The following SRGAP1 variants were observed in gnomAD, a reference collection of about 807,000 sequenced individuals.
SRGAP1 encodes SLIT-ROBO Rho GTPase activating protein 1.
SRGAP1 carries 43 observed loss-of-function variants against 121.9 expected under a neutral mutation model. The observed-to-expected ratio is 0.35, with a 90% CI of 0.28 to 0.46. The LOEUF (loss-of-function observed/expected upper bound fraction) is 0.46. Among genes scored for constraint, SRGAP1 ranks in the 20% least tolerant of loss-of-function variants. The pLI, the probability that SRGAP1 is intolerant of heterozygous loss-of-function variation, is 1.00. For synonymous variants in SRGAP1, 447 were observed against 485.4 expected (o/e 0.92, Z 1.04); for missense variants, 1,102 against 1,350.9 (o/e 0.82, Z 2.89).
intron 1 of SRGAP1, among the ~76,000 whole-genome samples, chr12:63,902,770 A>T (rs918426235): frequency 6.6e-6 from 1 of 152,198 alleles, no homozygotes; most frequent in Admixed American, 6.5e-5. Context: ...TATTTTGATT[A>T]AAGACTTACT....
chr12:64,080,409 A>T, intron 10 of SRGAP1, 39 bp downstream of exon 10: 6 of 1,416,120 alleles, frequency 4.2e-6, no homozygotes, highest in Non-Finnish European at 6.0e-6. Context: ...GACCTGGATG[A>T]TACATCGTAT....
chr12:63,871,100 T>G (rs1043732669), intron 1 of SRGAP1, among the ~76,000 whole-genome samples: 1 of 152,176 alleles, frequency 6.6e-6, no homozygotes. Flanking sequence ...GGACCACACT[T>G]TGGGAACTAC....
Position 64,143,982 on chromosome 12 carries a change from C to G in SRGAP1, c.*1310C>G, listed in dbSNP as rs1284969258. 1 of 152,218 alleles carries G rather than the reference C, an allele frequency of 6.6e-6. No homozygotes were observed. Among genetic ancestry groups the G allele is most frequent in the African/African-American group, 2.4e-5 (1 of 41,426 alleles). The allele number at this position is 152,218 out of a possible 1,614,324, so 9.4% of individuals were successfully genotyped here. On this transcript the variant is annotated 3_prime_UTR_variant, in exon 22 of 22. Transcript: ENST00000355086. ...CAACTTCTTTTTCTTTGTCCCTTTT[C>G]CCCTTTTTGGTTTTGGTTTTGTATG...
At chr12:64,096,752 G>A (rs186122926) in intron 14 of SRGAP1, among the ~76,000 whole-genome samples, 1 of 152,276 alleles carries the variant, frequency 6.6e-6, no homozygotes, top group East Asian at 1.9e-4. Flanking sequence ...GCCACTTTGG[G>A]AAATACCTAC....
chr12:64,096,303 A>G (rs767959570), intron 14 of SRGAP1, among the ~76,000 whole-genome samples: 9 of 152,184 alleles, frequency 5.9e-5, no homozygotes, highest in Non-Finnish European at 1.2e-4. Flanking sequence ...TTGCCCTAGG[A>G]ACAGAGAAAA....
At chr12:64,043,782 A>G (rs376473361) in intron 6 of SRGAP1, among the ~76,000 whole-genome samples, 2 of 152,222 alleles carry the variant, frequency 1.3e-5, no homozygotes, top group South Asian at 4.1e-4. Flanking sequence ...CCTAAAACCA[A>G]TGAAAAATAA....
chr12:64,057,710 G>A (rs1254731353), intron 6 of SRGAP1, among the ~76,000 whole-genome samples: 1 of 152,084 alleles, frequency 6.6e-6, no homozygotes, highest in Non-Finnish European at 1.5e-5. Flanking sequence ...GATCACAGAA[G>A]TCTCTCAAAC....
At chr12:64,137,898 G>C (rs1454885989) in intron 21 of SRGAP1, among the ~76,000 whole-genome samples, 1 of 150,504 alleles carries the variant, frequency 6.6e-6, no homozygotes, top group Non-Finnish European at 1.5e-5. Context: ...CACCAGGGCA[G>C]TGGTTCTCCA....
chr12:64,033,423 A>G (rs1174981476), intron 4 of SRGAP1, among the ~76,000 whole-genome samples: 1 of 152,122 alleles, frequency 6.6e-6, no homozygotes. Flanking sequence ...TGCTCATTCT[A>G]AAGAGTTTTG....
intron 4 of SRGAP1, among the ~76,000 whole-genome samples, chr12:64,023,306 G>T (rs2034590605): frequency 6.6e-6 from 1 of 151,372 alleles, no homozygotes; most frequent in African/African-American, 2.4e-5. Flanking sequence ...AAAGTGAAAG[G>T]CAAAAACAGA....
At chr12:64,058,384 T>C (rs2035383264) in intron 6 of SRGAP1, among the ~76,000 whole-genome samples, 1 of 152,184 alleles carries the variant, frequency 6.6e-6, no homozygotes, top group Non-Finnish European at 1.5e-5. Flanking sequence ...TTGAGGAGCG[T>C]CTGTACTTGG....
chr12:63,978,015 C>T (rs1171039813), intron 1 of SRGAP1, among the ~76,000 whole-genome samples: 1 of 152,098 alleles, frequency 6.6e-6, no homozygotes, highest in Non-Finnish European at 1.5e-5. Context: ...CTTTTCTATG[C>T]CATTAAGTGC....
chr12:64,142,791 T>C lies in SRGAP1; in HGVS notation c.*119T>C, dbSNP rs1026813547. 6 of 1,378,700 alleles carry C rather than the reference T, an allele frequency of 4.4e-6. 1 individual carries two copies. In the East Asian group the frequency reaches 1.4e-4, roughly 33 times the overall value. 85.4% of individuals were successfully genotyped at this position (1,378,700 alleles called of 1,614,324 possible). A position where few individuals can be genotyped will look rare whatever the true frequency, so the allele number is the denominator to read the frequency against. On this transcript the variant is annotated 3_prime_UTR_variant, in exon 22 of 22. Transcript: ENST00000355086. Reference sequence around the variant, plus strand: ...TGCTTATAACTGGAGATCTTTTGGCTTTTCTATGTTGTCGAATGTAATGTC... The same window carrying C: ...TGCTTATAACTGGAGATCTTTTGGCCTTTCTATGTTGTCGAATGTAATGTC...
chr12:64,103,501 T>G (rs908423699), intron 15 of SRGAP1, among the ~76,000 whole-genome samples: 3 of 152,232 alleles, frequency 2.0e-5, no homozygotes, highest in Non-Finnish European at 4.4e-5. Flanking sequence ...TTTATTTGCC[T>G]TTTCTGATTA....
At chr12:63,875,466 G>A (rs2136281107) in intron 1 of SRGAP1, among the ~76,000 whole-genome samples, 1 of 152,280 alleles carries the variant, frequency 6.6e-6, no homozygotes, top group African/African-American at 2.4e-5. Context: ...AAATTGCACA[G>A]TGTTAAATGG....
chr12:64,009,282 A>G (rs1028991288), intron 3 of SRGAP1, among the ~76,000 whole-genome samples: 2 of 152,176 alleles, frequency 1.3e-5, no homozygotes, highest in Non-Finnish European at 1.5e-5. Flanking sequence ...CTGAGAATTT[A>G]TATGTAACTG....
At chr12:64,036,857 A>G (rs1455958553) in intron 4 of SRGAP1, among the ~76,000 whole-genome samples, 1 of 152,238 alleles carries the variant, frequency 6.6e-6, no homozygotes, top group African/African-American at 2.4e-5. Context: ...TATTTTACTC[A>G]TACTGTATAT....
At chr12:63,867,941 A>G (rs1192623483) in intron 1 of SRGAP1, among the ~76,000 whole-genome samples, 1 of 149,910 alleles carries the variant, frequency 6.7e-6, no homozygotes, top group African/African-American at 2.4e-5. Flanking sequence ...TTGTGTTGTT[A>G]GACTTCCTAT....
At chr12:64,020,053 A>G (rs2034504678) in intron 4 of SRGAP1, among the ~76,000 whole-genome samples, 1 of 152,206 alleles carries the variant, frequency 6.6e-6, no homozygotes. Flanking sequence ...AATTACAGTC[A>G]ACCTTTGTGG....
Sources: gnomAD v4.1 joint callset for allele counts (sites outside exome capture counted in the v4.1 genomes callset) on GRCh38, gnomAD v4.1.1 for gene constraint, MANE v1.5 for transcripts, NCBI Gene and HGNC (gene_info 2026-07-23, HGNC 2026-07-21) for gene names.